DSTN: variants seen among roughly 807,000 people sequenced by gnomAD.
The protein encoded by DSTN is destrin, actin depolymerizing factor.
DSTN carries 10 observed loss-of-function variants against 16.8 expected under a neutral mutation model. The observed-to-expected ratio is 0.60, with a 90% confidence interval of 0.37 to 1.01. The LOEUF (loss-of-function observed/expected upper bound fraction) is 1.01. Ranked by LOEUF, DSTN falls within the 50% of genes least tolerant of loss-of-function variation. DSTN has a pLI of 0.01. For missense variants in DSTN, 141 were observed against 196.7 expected (o/e 0.72, Z 1.69); for synonymous variants, 57 against 58.9 (o/e 0.97, Z 0.14).
intron 1 of DSTN, among the ~76,000 whole-genome samples, chr20:17,583,599 CA>C (rs899457764): frequency 3.3e-4 from 43 of 131,214 alleles, no homozygotes; most frequent in African/African-American, 1.2e-3. Flanking sequence ...CAAAAGATGA[CA>C]TATTGTGTGA....
chr20:17,573,717 A>G (rs969716031), intron 1 of DSTN, among the ~76,000 whole-genome samples: 3 of 152,108 alleles, frequency 2.0e-5, no homozygotes, highest in African/African-American at 7.2e-5. Context: ...ATGGTTGTGA[A>G]ATGGTTTCTC....
intron 1 of DSTN, among the ~76,000 whole-genome samples, chr20:17,574,849 C>CTT (rs1478575834): frequency 2.6e-5 from 2 of 76,070 alleles, no homozygotes; most frequent in Admixed American, 1.3e-4. Flanking sequence ...TCTTTCTTTT[C>CTT]TTTTTCTTTT....
Position 17,600,985 on chromosome 20 carries a change from T to G in DSTN, c.251T>G (p.Leu84Trp), listed in dbSNP as rs750572697. 6.2e-7 allele frequency: 1 copy of G among 1,613,294 alleles called. No homozygotes were observed. The highest frequency in any genetic ancestry group is 8.5e-7 in the Non-Finnish European group (1 of 1,179,620). Residue 84 changes from leucine to tryptophan, a missense_variant, in exon 2 of 4, where the codon TTG (leucine) becomes TGG (tryptophan). Leu to Trp is a moderately conservative substitution (Grantham distance 61). Transcript: ENST00000246069. ...CCTGAAAAAGATTGTCGCTATGCTT[T>G]GTATGATGCAAGCTTTGAAACAAAA... is the stretch of plus-strand genomic sequence containing the variant. Reference protein sequence around the residue: ...MLPEKDCRYALYDASFETKES... With the variant: ...MLPEKDCRYAWYDASFETKES...
At chr20:17,601,258 C>T (rs1270479990) in intron 2 of DSTN, among the ~76,000 whole-genome samples, 41 of 130,624 alleles carry the variant, frequency 3.1e-4, no homozygotes, top group Non-Finnish European at 5.3e-4. Context: ...TGTGACTCTC[C>T]GTTTTTGTTT....
In DSTN at chr20:17,588,696, AT is replaced by A. The variant is rs536123880; in HGVS notation, c.4-12041del. On this transcript the variant is annotated intron_variant, in intron 1 of 3. Coordinates refer to ENST00000246069, the MANE Select transcript of DSTN (RefSeq NM_006870.4). ...CTACTTGGGAGGCTGAGGCAGGAGA[AT>A]GGCGTGAACCCAGGAGGCAGAGCTT... Among the ~76,000 whole-genome samples, 1,230 of 152,286 alleles carry A rather than the reference AT, an allele frequency of 8.1e-3. 9 individuals are homozygous for A. Among genetic ancestry groups the A allele is most frequent in the Non-Finnish European group, 0.012 (831 of 68,018 alleles).
In DSTN at chr20:17,598,124, G is replaced by T. The variant is rs527847344; in HGVS notation, c.4-2614G>T. On this transcript the variant is annotated intron_variant, in intron 1 of 3. Coordinates refer to ENST00000246069, the MANE Select transcript of DSTN (RefSeq NM_006870.4). The stretch of plus-strand genomic sequence containing the variant: ...GACTTTAGGATTGTTTTCACTTTTG[G>T]TCTATTTTGAATAATGTTACTATGA... Among the ~76,000 whole-genome samples, 5 of 152,128 alleles carry T rather than the reference G, an allele frequency of 3.3e-5. No homozygotes were observed. In the South Asian group the frequency reaches 8.3e-4, roughly 25 times the overall value.
At position 17,574,865 on chromosome 20, in the gene DSTN, C is replaced by CTTTTCTTTTTTTTTT. The variant is rs1354147534; in HGVS notation, c.3+4658_3+4659insCTTTTTTTTTTTTTT. 5.4e-4 allele frequency among the ~76,000 whole-genome samples: 35 copies of CTTTTCTTTTTTTTTT among 64,256 alleles called. 2 individuals carry two copies. Among genetic ancestry groups the CTTTTCTTTTTTTTTT allele is most frequent in the African/African-American group, 2.0e-3 (33 of 16,718 alleles). The allele number at this position is 64,256 out of a possible 152,430, so 42.2% of individuals were successfully genotyped here. On this transcript the variant is annotated intron_variant, in intron 1 of 3. Transcript: ENST00000246069. Reference sequence around the variant, plus strand: ...CTTTCTTTTCTTTTTCTTTTCTTTTCTTTTGTTTTTTTTTTTTTTTTTTTT... The same window carrying CTTTTCTTTTTTTTTT: ...CTTTCTTTTCTTTTTCTTTTCTTTTCTTTTCTTTTTTTTTTTTTTGTTTTTTTTTTTTTTTTTTTT...
At chr20:17,600,665 A>C (rs754433720) in intron 1 of DSTN, 73 bp from the exon 2 acceptor site, 123 of 1,434,464 alleles carry the variant, frequency 8.6e-5, no homozygotes, top group Non-Finnish European at 1.0e-4. Context: ...CCAATCTATA[A>C]GCAGAATTTA....
rs752990358 is a variant in DSTN at position 17,591,995 on chromosome 20, C to G, written c.4-8743C>G. On this transcript the variant is annotated intron_variant, in intron 1 of 3. Coordinates refer to ENST00000246069, the MANE Select transcript of DSTN (RefSeq NM_006870.4). The stretch of plus-strand genomic sequence containing the variant: ...GCTACCAGCGTATTGAGAGGAGATA[C>G]ACAGGCACTACGAGAATGGAGTTTA... 3.0e-6 allele frequency: 3 copies of G among 985,362 alleles called. No individual in the cohort carries two copies. In the African/African-American group the frequency reaches 5.2e-5, roughly 17 times the overall value. The allele number at this position is 985,362 out of a possible 1,614,324, so 61.0% of individuals were successfully genotyped here.
chr20:17,583,390 A>C (rs993172936), intron 1 of DSTN, among the ~76,000 whole-genome samples: 2 of 152,226 alleles, frequency 1.3e-5, no homozygotes, highest in African/African-American at 4.8e-5. Flanking sequence ...ACTTGTACAC[A>C]AATGTGCATA....
intron 1 of DSTN, among the ~76,000 whole-genome samples, chr20:17,574,892 T>TTTCC (rs71192396): frequency 8.2e-6 from 1 of 122,288 alleles, no homozygotes; most frequent in African/African-American, 2.9e-5. Context: ...TTTTTTTTTT[T>TTTCC]GAGACAGACT....
At chr20:17,592,678 CTACTCTAAT>C (rs1179015809) in intron 1 of DSTN, among the ~76,000 whole-genome samples, 1 of 152,072 alleles carries the variant, frequency 6.6e-6, no homozygotes, top group East Asian at 1.9e-4. Context: ...AAGAGCCATA[CTACTCTAAT>C]ATCAAAGCCA....
Sources: allele counts gnomAD v4.1 joint callset (sites outside exome capture counted in the v4.1 genomes callset), GRCh38; gene constraint gnomAD v4.1.1; transcripts MANE v1.5; gene names NCBI Gene and HGNC (gene_info 2026-07-23, HGNC 2026-07-21).